The following DGKH variants were observed in gnomAD, a reference collection of about 807,000 sequenced individuals.
DGKH encodes the protein DAG kinase eta.
A neutral mutation model predicts 159.3 loss-of-function variants in DGKH; 90 were observed. That is an observed-to-expected ratio of 0.57 (90% CI 0.48 to 0.67). The LOEUF is 0.67. Among genes scored for constraint, DGKH ranks in the 30% least tolerant of loss-of-function variants. The probability of loss-of-function intolerance (pLI) is 0.00; values close to 1 mark genes in which losing one functional copy is unlikely to be tolerated. For missense variants in DGKH, 1,181 were observed against 1,506.1 expected (o/e 0.78, Z 3.57); for synonymous variants, 536 against 553.8 (o/e 0.97, Z 0.45).
intron 17 of DGKH, among the ~76,000 whole-genome samples, chr13:42,197,437 AC>A (rs1957230374): frequency 6.6e-6 from 1 of 152,116 alleles, no homozygotes; most frequent in African/African-American, 2.4e-5. Flanking sequence ...CAAAACTATG[AC>A]ATTAAACGAA....
chr13:42,196,400 C>T (rs1957204653), intron 17 of DGKH, among the ~76,000 whole-genome samples: 1 of 152,180 alleles, frequency 6.6e-6, no homozygotes, highest in South Asian at 2.1e-4. Context: ...GCAACCCAAA[C>T]ATCCATCAGT....
chr13:42,223,280 C>T (rs1958031895), intron 29 of DGKH, among the ~76,000 whole-genome samples: 1 of 152,128 alleles, frequency 6.6e-6, no homozygotes, highest in Non-Finnish European at 1.5e-5. Flanking sequence ...TCCTTAGGTA[C>T]TCCATTGCTT....
At chr13:42,077,097 ATTC>A (rs1356293563) in intron 1 of DGKH, among the ~76,000 whole-genome samples, 1 of 152,102 alleles carries the variant, frequency 6.6e-6, no homozygotes, top group Non-Finnish European at 1.5e-5. Context: ...TGGTTTAGAT[ATTC>A]TTCTTGGTAC....
intron 1 of DGKH, among the ~76,000 whole-genome samples, chr13:42,052,879 G>A (rs1881425303): frequency 6.6e-6 from 1 of 152,154 alleles, no homozygotes; most frequent in Non-Finnish European, 1.5e-5. Context: ...AGGTTGTGAA[G>A]CTGCATGTGT....
chr13:42,151,508 TACAC>T (rs542942187), intron 3 of DGKH, among the ~76,000 whole-genome samples: 340 of 114,050 alleles, frequency 3.0e-3, no homozygotes, highest in East Asian at 0.01. Flanking sequence ...TGTGTGTGTA[TACAC>T]ATGTATATAT....
chr13:42,215,125 G>A (rs79544984), intron 25 of DGKH, among the ~76,000 whole-genome samples: 4,554 of 151,114 alleles, frequency 0.03, 214 homozygotes, highest in African/African-American at 0.1. Context: ...GTGCCACATG[G>A]TACAATGCTA....
chr13:42,119,134 C>T (rs931377725), intron 1 of DGKH, among the ~76,000 whole-genome samples: 4 of 152,164 alleles, frequency 2.6e-5, no homozygotes, highest in African/African-American at 4.8e-5. Flanking sequence ...CCAGATGCTA[C>T]GGTGATGCAG....
chr13:42,096,509 A>G (rs535650357), intron 1 of DGKH, among the ~76,000 whole-genome samples: 3 of 152,292 alleles, frequency 2.0e-5, no homozygotes, highest in East Asian at 3.9e-4. Context: ...ACCTGGGATG[A>G]TTCCATGTTT....
rs773023563 is a variant in DGKH, at chr13:42,209,090, A to T, written c.2715+18A>T. 1 of 1,599,906 alleles carries T rather than the reference A, an allele frequency of 6.3e-7. No homozygotes were observed. The highest frequency in any genetic ancestry group is 1.7e-5 in the Admixed American group (1 of 59,048). On this transcript the variant is annotated intron_variant, in intron 22 of 29. Transcript: ENST00000337343. ...TAGCCCAGGTTGGTTTCTCTCGTCA[A>T]ACCTGACTGCACTTCTTGGGCTAAG... is the stretch of plus-strand genomic sequence containing the variant.
intron 3 of DGKH, among the ~76,000 whole-genome samples, chr13:42,130,419 T>A (rs1566117397): frequency 6.6e-6 from 1 of 152,250 alleles, no homozygotes; most frequent in Non-Finnish European, 1.5e-5. Flanking sequence ...CACCATGTGT[T>A]AAGCACAAGA....
intron 3 of DGKH, among the ~76,000 whole-genome samples, chr13:42,135,493 A>C (rs1566119861): frequency 7.1e-6 from 1 of 141,088 alleles, no homozygotes; most frequent in Non-Finnish European, 1.6e-5. Context: ...CTGTCTCAGA[A>C]AAAAAAAAAA....
intron 6 of DGKH, among the ~76,000 whole-genome samples, chr13:42,159,700 C>T (rs1258110517): frequency 6.6e-6 from 1 of 152,144 alleles, no homozygotes; most frequent in African/African-American, 2.4e-5. Flanking sequence ...AGTATACCTC[C>T]ACTTTCAAAA....
At chr13:42,110,799 C>CTGT (rs745411690) in intron 1 of DGKH, among the ~76,000 whole-genome samples, 4 of 152,206 alleles carry the variant, frequency 2.6e-5, no homozygotes, top group Non-Finnish European at 5.9e-5. Context: ...TATGAAAAAA[C>CTGT]TGTTATGTCT....
chr13:42,108,582 C>T (rs1015023907), intron 1 of DGKH, among the ~76,000 whole-genome samples: 28 of 152,120 alleles, frequency 1.8e-4, no homozygotes, highest in African/African-American at 6.8e-4. Context: ...ACATGTGTTA[C>T]GTGAAATAAA....
At chr13:42,195,750 G>A (rs1957190089) in intron 17 of DGKH, 1 of 152,162 alleles carries the variant, frequency 6.6e-6, no homozygotes, top group African/African-American at 2.4e-5. Context: ...AATTATTCAT[G>A]ATTTTGGATT....
chr13:42,219,823 T>A, intron 28 of DGKH, 29 bp downstream of exon 28: 2 of 1,587,658 alleles, frequency 1.3e-6, no homozygotes, highest in Admixed American at 1.7e-5. Context: ...AGGGGAAATA[T>A]AACATTATGA....
chr13:42,114,294 G>T (rs1954923938), intron 1 of DGKH, among the ~76,000 whole-genome samples: 1 of 152,192 alleles, frequency 6.6e-6, no homozygotes, highest in Non-Finnish European at 1.5e-5. Context: ...TTACAGTGCT[G>T]CTGGGTTCCT....
rs76020641 is a variant in DGKH at position 42,049,242 on chromosome 13, G to C, written c.192+277G>C. The stretch of plus-strand genomic sequence containing the variant: ...CCGCGGTGCTGCGGGACGGATTCCC[G>C]GCGGCTGCGCGGGAGGCTGCGAGCC... On this transcript the variant is annotated intron_variant, in intron 1 of 29. Transcript: ENST00000337343. 2.7e-4 allele frequency among the ~76,000 whole-genome samples: 41 copies of C among 152,008 alleles called. No homozygotes were observed. In the East Asian group the frequency reaches 7.8e-3, roughly 29 times the overall value.
intron 1 of DGKH, among the ~76,000 whole-genome samples, chr13:42,067,529 C>T (rs2137683346): frequency 6.6e-6 from 1 of 152,212 alleles, no homozygotes; most frequent in South Asian, 2.1e-4. Context: ...AGAAAAATGT[C>T]TTTTATTCTA....
Sources: gnomAD v4.1 joint callset for allele counts (sites outside exome capture counted in the v4.1 genomes callset) on GRCh38, gnomAD v4.1.1 for gene constraint, MANE v1.5 for transcripts, NCBI Gene and HGNC (gene_info 2026-07-23, HGNC 2026-07-21) for gene names.